Variants in MACROD2 observed in about 807,000 individuals in gnomAD.
The protein encoded by MACROD2 is ADP-ribose glycohydrolase MACROD2.
Under a neutral mutation model 70.4 loss-of-function variants are expected in MACROD2, and 36 were observed. The observed-to-expected ratio is 0.51, with a 90% CI of 0.39 to 0.68. The LOEUF is 0.68. Ranked by LOEUF, MACROD2 falls within the 30% of genes least tolerant of loss-of-function variation. The probability of loss-of-function intolerance (pLI) is 0.00; values close to 1 mark genes in which losing one functional copy is unlikely to be tolerated. For missense variants in MACROD2, 496 were observed against 538.4 expected (o/e 0.92, Z 0.78); for synonymous variants, 172 against 178.8 (o/e 0.96, Z 0.30).
intron 5 of MACROD2, among the ~76,000 whole-genome samples, chr20:15,220,985 T>C (rs968600001): frequency 6.6e-6 from 1 of 152,178 alleles, no homozygotes; most frequent in Non-Finnish European, 1.5e-5. Context: ...GGTAAAGGAA[T>C]GCTGACGACA....
At chr20:14,845,748 C>T (rs185080037) in intron 5 of MACROD2, among the ~76,000 whole-genome samples, 1 of 152,054 alleles carries the variant, frequency 6.6e-6, no homozygotes, top group Admixed American at 6.5e-5. Context: ...CCCATACCTT[C>T]CCCAAGCAGA....
chr20:15,546,625 G>A (rs1449621612), intron 8 of MACROD2, among the ~76,000 whole-genome samples: 1 of 152,172 alleles, frequency 6.6e-6, no homozygotes, highest in Non-Finnish European at 1.5e-5. Flanking sequence ...GACACTCAAA[G>A]CACATCAATG....
chr20:14,703,076 A>G (rs2071226080), intron 5 of MACROD2, among the ~76,000 whole-genome samples: 1 of 152,064 alleles, frequency 6.6e-6, no homozygotes, highest in South Asian at 2.1e-4. Flanking sequence ...TCTAGCTATA[A>G]TTCATTCTCA....
chr20:15,013,898 G>A (rs1280663532), intron 5 of MACROD2, among the ~76,000 whole-genome samples: 2 of 152,206 alleles, frequency 1.3e-5, no homozygotes, highest in Non-Finnish European at 2.9e-5. Flanking sequence ...GCAGTAAACT[G>A]AAGCATGACT....
At chr20:14,358,401 A>G (rs532605900) in intron 3 of MACROD2, among the ~76,000 whole-genome samples, 207 of 152,306 alleles carry the variant, frequency 1.4e-3, no homozygotes, top group Admixed American at 1.9e-3. Flanking sequence ...ATATTAACTC[A>G]TGAAATTCTC....
chr20:15,817,117 G>C (rs2063885400), intron 8 of MACROD2, among the ~76,000 whole-genome samples: 3 of 152,212 alleles, frequency 2.0e-5, no homozygotes. Context: ...TTATTGGTTG[G>C]TGTTTGATCT....
At chr20:15,600,320 A>G (rs2146686558) in intron 8 of MACROD2, among the ~76,000 whole-genome samples, 1 of 152,028 alleles carries the variant, frequency 6.6e-6, no homozygotes, top group Admixed American at 6.6e-5. Context: ...TTCCTTATTA[A>G]TTCATTCATT....
rs201457290 is a variant in MACROD2 at position 15,206,850 on chromosome 20, C to A, written c.419-23090C>A. 2.1e-3 allele frequency among the ~76,000 whole-genome samples: 316 copies of A among 150,740 alleles called. 5 individuals carry two copies. The East Asian group carries it at 0.051, about 24-fold the overall frequency. ...CTCCCGGGTTCACGCCATTCTCCTG[C>A]CTCAGCCTCCCGAGTAGCTGGGACT... On this transcript the variant is annotated intron_variant, in intron 5 of 17. Transcript: ENST00000684519.
chr20:15,112,397 A>C (rs1244264656), intron 5 of MACROD2, among the ~76,000 whole-genome samples: 1 of 152,164 alleles, frequency 6.6e-6, no homozygotes, highest in South Asian at 2.1e-4. Context: ...TTAATAATGC[A>C]TTTGAAATTA....
intron 8 of MACROD2, among the ~76,000 whole-genome samples, chr20:15,806,171 G>A (rs2063767464): frequency 6.6e-6 from 1 of 152,102 alleles, no homozygotes. Context: ...CCTTTTCCCT[G>A]AGTGAATAAA....
chr20:15,840,825 C>G (rs1434819327), intron 8 of MACROD2, among the ~76,000 whole-genome samples: 2 of 152,114 alleles, frequency 1.3e-5, no homozygotes, highest in Non-Finnish European at 2.9e-5. Context: ...GTGAAAGACT[C>G]CAGAGCATGC....
intron 13 of MACROD2, among the ~76,000 whole-genome samples, chr20:15,984,307 A>AT (rs1169803552): frequency 6.6e-6 from 1 of 152,060 alleles, no homozygotes; most frequent in Admixed American, 6.5e-5. Flanking sequence ...TAAAACAATA[A>AT]TTTTTTTAAC....
intron 6 of MACROD2, among the ~76,000 whole-genome samples, chr20:15,305,607 A>G (rs1306773143): frequency 6.6e-6 from 1 of 152,066 alleles, no homozygotes; most frequent in Non-Finnish European, 1.5e-5. Context: ...AATTCCTGTG[A>G]TACCATTAGG....
At chr20:14,542,011 T>G (rs1356143332) in intron 4 of MACROD2, among the ~76,000 whole-genome samples, 1 of 152,222 alleles carries the variant, frequency 6.6e-6, no homozygotes, top group Non-Finnish European at 1.5e-5. Flanking sequence ...TTAAAATGTA[T>G]AATTTCATTG....
intron 12 of MACROD2, among the ~76,000 whole-genome samples, chr20:15,948,647 AAG>A (rs1431076729): frequency 6.6e-6 from 1 of 152,090 alleles, no homozygotes; most frequent in Non-Finnish European, 1.5e-5. Context: ...CTTCCCCTCT[AAG>A]AGAATAAAAT....
At chr20:15,040,641 C>T (rs2075349028) in intron 5 of MACROD2, among the ~76,000 whole-genome samples, 1 of 152,114 alleles carries the variant, frequency 6.6e-6, no homozygotes, top group Non-Finnish European at 1.5e-5. Context: ...TTGCCAATTC[C>T]CCATGTCTAC....
intron 3 of MACROD2, among the ~76,000 whole-genome samples, chr20:14,289,856 A>G (rs1466415416): frequency 1.3e-5 from 2 of 152,152 alleles, no homozygotes; most frequent in Non-Finnish European, 2.9e-5. Flanking sequence ...TTTCCTGTTC[A>G]ATATTTCAAT....
intron 3 of MACROD2, among the ~76,000 whole-genome samples, chr20:14,283,069 A>G (rs1334059191): frequency 6.6e-6 from 1 of 152,134 alleles, no homozygotes; most frequent in African/African-American, 2.4e-5. Flanking sequence ...TCTTGATGGG[A>G]AGAGTGGCAA....
At chr20:15,252,868 C>T (rs899115464) in intron 6 of MACROD2, among the ~76,000 whole-genome samples, 2 of 152,308 alleles carry the variant, frequency 1.3e-5, no homozygotes, top group African/African-American at 4.8e-5. Flanking sequence ...CCTACAGAGC[C>T]AGCTGCTCAC....
Sources: gnomAD v4.1 joint callset for allele counts (sites outside exome capture counted in the v4.1 genomes callset) on GRCh38, gnomAD v4.1.1 for gene constraint, MANE v1.5 for transcripts, NCBI Gene and HGNC (gene_info 2026-07-23, HGNC 2026-07-21) for gene names.